ROR1: variants seen among roughly 807,000 people sequenced by gnomAD.
The protein encoded by ROR1 is inactive tyrosine-protein kinase transmembrane receptor ROR1.
Under a neutral mutation model 78.8 loss-of-function variants are expected in ROR1, and 19 were observed. The observed-to-expected ratio is 0.24, with a 90% CI of 0.17 to 0.35. The LOEUF (loss-of-function observed/expected upper bound fraction) is 0.35. Ranked by LOEUF, ROR1 falls within the 10% of genes least tolerant of loss-of-function variation. The pLI is 1.00. For missense variants in ROR1, 917 were observed against 1,177.8 expected, an observed-to-expected ratio of 0.78 and a Z score of 3.24; for synonymous variants, 386 against 433.6, an observed-to-expected ratio of 0.89 and a Z score of 1.36.
At chr1:63,880,019 G>A (rs1645312837) in intron 1 of ROR1, among the ~76,000 whole-genome samples, 1 of 152,110 alleles carries the variant, frequency 6.6e-6, no homozygotes, top group South Asian at 2.1e-4. Flanking sequence ...TTGGTGGTTA[G>A]GAGGACAGGC....
At chr1:64,109,092 G>T (rs1647966874) in intron 4 of ROR1, among the ~76,000 whole-genome samples, 1 of 152,108 alleles carries the variant, frequency 6.6e-6, no homozygotes, top group Non-Finnish European at 1.5e-5. Context: ...TTAGATCTCT[G>T]GGGGTGGTTC....
At chr1:64,019,687 A>G (rs1433320001) in intron 2 of ROR1, among the ~76,000 whole-genome samples, 1 of 152,198 alleles carries the variant, frequency 6.6e-6, no homozygotes, top group Non-Finnish European at 1.5e-5. Flanking sequence ...TAAGTGATTT[A>G]CATGGATTGT....
chr1:63,993,053 T>C (rs1429402260), intron 1 of ROR1, among the ~76,000 whole-genome samples: 1 of 152,182 alleles, frequency 6.6e-6, no homozygotes, highest in Non-Finnish European at 1.5e-5. Context: ...TATACAAATA[T>C]GGACATGCAG....
At chr1:63,954,681 A>G (rs12184322) in intron 1 of ROR1, among the ~76,000 whole-genome samples, 2,011 of 152,332 alleles carry the variant, frequency 0.013, 20 homozygotes, top group Non-Finnish European at 0.02. Flanking sequence ...TTCCTAAACA[A>G]TACAGTATAA....
intron 4 of ROR1, among the ~76,000 whole-genome samples, chr1:64,063,880 C>T (rs1646935947): frequency 6.6e-6 from 1 of 152,166 alleles, no homozygotes; most frequent in African/African-American, 2.4e-5. Context: ...ATGTCATGTC[C>T]ATGCAACCAG....
At chr1:64,161,087 C>A (rs1649929346) in intron 8 of ROR1, among the ~76,000 whole-genome samples, 1 of 152,140 alleles carries the variant, frequency 6.6e-6, no homozygotes, top group African/African-American at 2.4e-5. Flanking sequence ...AGAAAAAAGG[C>A]TAATATATAT....
At position 63,997,763 on chromosome 1, in the gene ROR1, T is replaced by A. The variant is rs1030762166; in HGVS notation, c.92-11542T>A. ...TTTTTTAACATGCTCCCCAGCTGAG[T>A]TTGGGAATCATTACATTAAACACTC... is the stretch of plus-strand genomic sequence containing the variant. On this transcript the variant is annotated intron_variant, in intron 1 of 8. Coordinates refer to ENST00000371079, the MANE Select transcript of ROR1 (RefSeq NM_005012.4). Among the ~76,000 whole-genome samples the A allele has an allele frequency of 3.9e-5, 6 of 151,952 alleles. No individual in the cohort carries two copies. In the South Asian group the frequency reaches 1.3e-3, roughly 32 times the overall value.
chr1:64,176,486 A>C (rs575628918), intron 8 of ROR1, among the ~76,000 whole-genome samples: 26 of 65,316 alleles, frequency 4.0e-4, no homozygotes, highest in African/African-American at 1.7e-3. Context: ...TTATAGATGA[A>C]GGAATTGAGG....
intron 2 of ROR1, among the ~76,000 whole-genome samples, chr1:64,020,528 T>G (rs1312897840): frequency 2.0e-5 from 3 of 152,180 alleles, no homozygotes; most frequent in African/African-American, 7.2e-5. Flanking sequence ...ATCATTTAAT[T>G]CCAGCAATGA....
chr1:63,966,278 C>G (rs575089054), intron 1 of ROR1, among the ~76,000 whole-genome samples: 69 of 152,308 alleles, frequency 4.5e-4, no homozygotes, highest in East Asian at 1.7e-3. Context: ...TCGGAATCCC[C>G]TTCCTGGAGT....
intron 1 of ROR1, among the ~76,000 whole-genome samples, chr1:63,822,526 A>G (rs1644929631): frequency 6.6e-6 from 1 of 152,218 alleles, no homozygotes; most frequent in Non-Finnish European, 1.5e-5. Flanking sequence ...AATTGAGACA[A>G]TAATTATTTT....
chr1:64,178,242 C>G lies in ROR1; in HGVS notation c.2201C>G (p.Ser734Cys). The change falls in exon 9 of 9, where the codon TCT (serine) becomes TGT (cysteine). Residue 734 changes from serine to cysteine, a missense_variant. This residue lies in a region of ROR1 where 835 missense variants were observed against 1,069.8 expected (regional missense o/e 0.78). Coordinates refer to ENST00000371079, the MANE Select transcript of ROR1 (RefSeq NM_005012.4). This position sits in a 1 kb window ranked among gnomAD's most constrained non-coding sequence, Gnocchi z 4.3. Reference protein sequence around the residue: ...LMTECWNEIPSRRPRFKDIHV... With the variant: ...LMTECWNEIPCRRPRFKDIHV... ...ACAGAGTGCTGGAATGAGATTCCTTCTAGGAGACCAAGATTTAAAGATATT... is the reference window on the plus strand; with the variant it reads ...ACAGAGTGCTGGAATGAGATTCCTTGTAGGAGACCAAGATTTAAAGATATT... 2 of 1,613,976 alleles carry G rather than the reference C, an allele frequency of 1.2e-6. No individual in the cohort carries two copies. Among genetic ancestry groups the G allele is most frequent in the Admixed American group, 3.3e-5 (2 of 59,992 alleles).
chr1:63,858,639 GT>G (rs1476679500), intron 1 of ROR1, among the ~76,000 whole-genome samples: 1 of 152,152 alleles, frequency 6.6e-6, no homozygotes, highest in African/African-American at 2.4e-5. Context: ...TGATGATAGT[GT>G]TGTTTTTCCT....
intron 1 of ROR1, among the ~76,000 whole-genome samples, chr1:63,823,818 G>A (rs1170861203): frequency 6.6e-6 from 1 of 151,778 alleles, no homozygotes; most frequent in Non-Finnish European, 1.5e-5. Flanking sequence ...TGCAATCCCG[G>A]CTTACTGCAA....
At chr1:64,070,484 A>AT (rs988846595) in intron 4 of ROR1, among the ~76,000 whole-genome samples, 3 of 151,474 alleles carry the variant, frequency 2.0e-5, no homozygotes, top group African/African-American at 4.9e-5. Context: ...CCCAGTTAAA[A>AT]TTTTTTTTTA....
chr1:64,053,103 G>T (rs754454715), intron 4 of ROR1, among the ~76,000 whole-genome samples: 17 of 152,148 alleles, frequency 1.1e-4, no homozygotes, highest in Admixed American at 2.6e-4. Context: ...TTGTCAAATT[G>T]TACACTACTA....
intron 1 of ROR1, among the ~76,000 whole-genome samples, chr1:63,953,980 A>G (rs1331060074): frequency 5.3e-5 from 8 of 152,192 alleles, no homozygotes; most frequent in Admixed American, 1.3e-4. Flanking sequence ...AAGTGGAGAG[A>G]GTCTCTAGAT....
chr1:64,086,128 A>C (rs1647150806), intron 4 of ROR1, among the ~76,000 whole-genome samples: 1 of 152,172 alleles, frequency 6.6e-6, no homozygotes, highest in Admixed American at 6.5e-5. Context: ...CTGCATTTTT[A>C]CTGCCATTTT....
chr1:63,845,771 C>T (rs1044357999), intron 1 of ROR1, among the ~76,000 whole-genome samples: 1 of 152,026 alleles, frequency 6.6e-6, no homozygotes, highest in South Asian at 2.1e-4. Flanking sequence ...CTGCTGTGCC[C>T]CAGATAGTTG....
Sources: allele counts gnomAD v4.1 joint callset (sites outside exome capture counted in the v4.1 genomes callset), GRCh38; gene constraint gnomAD v4.1.1; regional missense constraint gnomAD v4.1.1; non-coding constraint Gnocchi (gnomAD v3.1); transcripts MANE v1.5; gene names NCBI Gene and HGNC (gene_info 2026-07-23, HGNC 2026-07-21).